L3MBTL4: variants seen among roughly 807,000 people sequenced by gnomAD.
L3MBTL4 encodes the protein L3MBTL histone methyl-lysine binding protein 4, also known as lethal(3)malignant brain tumor-like protein 4.
A neutral mutation model predicts 84.5 loss-of-function variants in L3MBTL4; 70 were observed. The ratio of observed to expected loss-of-function variants is 0.83; its 90% confidence interval spans 0.68 to 1.01. The LOEUF (loss-of-function observed/expected upper bound fraction) is 1.01, where lower values mean the gene tolerates loss of function less well. L3MBTL4 is among the 50% of genes least tolerant of loss of function. The pLI, the probability that L3MBTL4 is intolerant of heterozygous loss-of-function variation, is 0.00. For synonymous variants in L3MBTL4, 274 were observed against 259.8 expected (o/e 1.05, Z -0.52); for missense variants, 715 against 754.8 (o/e 0.95, Z 0.62).
intron 4 of L3MBTL4, among the ~76,000 whole-genome samples, chr18:6,269,862 C>G (rs2048792098): frequency 6.6e-6 from 1 of 152,170 alleles, no homozygotes; most frequent in South Asian, 2.1e-4. Context: ...TTCTAGGAAA[C>G]TGCACAGTAC....
At chr18:5,969,984 C>G (rs1404500783) in intron 16 of L3MBTL4, among the ~76,000 whole-genome samples, 2 of 152,348 alleles carry the variant, frequency 1.3e-5, no homozygotes, top group Admixed American at 1.3e-4. Context: ...AGAATAATTT[C>G]TTCCTGGAAA....
At chr18:5,975,585 G>A (rs866583029) in intron 16 of L3MBTL4, among the ~76,000 whole-genome samples, 2 of 152,220 alleles carry the variant, frequency 1.3e-5, no homozygotes, top group Admixed American at 6.5e-5. Flanking sequence ...CATGCCCTGC[G>A]TACTGAACGT....
chr18:5,995,989 G>T (rs1256311410), intron 16 of L3MBTL4, among the ~76,000 whole-genome samples: 1 of 152,172 alleles, frequency 6.6e-6, no homozygotes, highest in East Asian at 1.9e-4. Flanking sequence ...CCAGCTGGAG[G>T]CGTGTGTGGC....
intron 1 of L3MBTL4, among the ~76,000 whole-genome samples, chr18:6,372,774 T>C (rs1480291603): frequency 6.6e-6 from 1 of 152,208 alleles, no homozygotes; most frequent in African/African-American, 2.4e-5. Context: ...ATTGCTTCAG[T>C]GTTTTCTTTG....
At chr18:6,409,083 G>T (rs886554412) in intron 1 of L3MBTL4, among the ~76,000 whole-genome samples, 9 of 152,122 alleles carry the variant, frequency 5.9e-5, no homozygotes, top group African/African-American at 2.2e-4. Flanking sequence ...CATCCAAATT[G>T]TTGGCCCTGG....
chr18:5,991,986 GCATCCATCCATCCATCCATCCATC>G (rs35529758), intron 16 of L3MBTL4, among the ~76,000 whole-genome samples: 27 of 148,976 alleles, frequency 1.8e-4, no homozygotes, highest in Non-Finnish European at 3.0e-5. Context: ...TCCATCCAGT[GCATCCATCCATCCATCCATCCATC>G]CATCCATCCA....
At chr18:6,154,932 C>T (rs370050724) in intron 13 of L3MBTL4, among the ~76,000 whole-genome samples, 4 of 152,052 alleles carry the variant, frequency 2.6e-5, no homozygotes, top group East Asian at 3.9e-4. Flanking sequence ...AAAAGAATAA[C>T]GATGACTTCA....
intron 12 of L3MBTL4, among the ~76,000 whole-genome samples, chr18:6,199,469 C>A (rs79250789): frequency 0.035 from 5,304 of 152,314 alleles, 296 homozygotes; most frequent in African/African-American, 0.12. Context: ...TCCGTCACTG[C>A]AGGAAGTTCT....
rs1377233280 is a variant in L3MBTL4 at position 5,955,873 on chromosome 18, T to A, written c.*347A>T. 1 of 189,750 alleles carries A rather than the reference T, an allele frequency of 5.3e-6. No individual in the cohort carries two copies. Among genetic ancestry groups the A allele is most frequent in the Non-Finnish European group, 1.1e-5 (1 of 92,720 alleles). The allele number at this position is 189,750 out of a possible 1,614,324, so 11.8% of individuals were successfully genotyped here. ...TCTAATATTTCACCACTTGAGAGTG[T>A]TATGCTTGTAAGATGGAAAATGGTT... On this transcript the variant is annotated 3_prime_UTR_variant, in exon 19 of 19. Coordinates refer to ENST00000317931, the MANE Select transcript of L3MBTL4 (RefSeq NM_001330559.2).
intron 1 of L3MBTL4, among the ~76,000 whole-genome samples, chr18:6,350,927 C>T (rs900608506): frequency 2.0e-5 from 3 of 152,226 alleles, no homozygotes; most frequent in Non-Finnish European, 2.9e-5. Context: ...CACAGTGGCT[C>T]ATGCCTGAAA....
intron 14 of L3MBTL4, among the ~76,000 whole-genome samples, chr18:6,131,254 A>G (rs898564631): frequency 3.3e-5 from 5 of 152,156 alleles, no homozygotes; most frequent in Non-Finnish European, 5.9e-5. Flanking sequence ...ATTTTCTAGA[A>G]AAGCAGCTGA....
chr18:6,144,561 C>A (rs2042567438), intron 13 of L3MBTL4, among the ~76,000 whole-genome samples: 2 of 152,178 alleles, frequency 1.3e-5, no homozygotes, highest in African/African-American at 4.8e-5. Context: ...TCATGGGATT[C>A]CCCATTCACA....
At chr18:6,001,647 T>C (rs189841391) in intron 16 of L3MBTL4, among the ~76,000 whole-genome samples, 190 of 151,836 alleles carry the variant, frequency 1.3e-3, no homozygotes, top group Admixed American at 6.6e-3. Context: ...GAAAAATAAC[T>C]AGAATGAAAA....
At chr18:6,025,906 G>T (rs1250285023) in intron 16 of L3MBTL4, among the ~76,000 whole-genome samples, 1 of 152,170 alleles carries the variant, frequency 6.6e-6, no homozygotes, top group Non-Finnish European at 1.5e-5. Flanking sequence ...AAAGGCCTTG[G>T]GCCAGTACCT....
intron 14 of L3MBTL4, among the ~76,000 whole-genome samples, chr18:6,116,035 A>C (rs73380075): frequency 9.8e-5 from 15 of 152,330 alleles, no homozygotes; most frequent in African/African-American, 3.4e-4. Context: ...GGGACAAGGC[A>C]GACTAAGGAG....
chr18:6,297,016 T>C (rs1336009139), intron 4 of L3MBTL4, among the ~76,000 whole-genome samples: 1 of 152,150 alleles, frequency 6.6e-6, no homozygotes, highest in Admixed American at 6.5e-5. Context: ...AATGTCTAAG[T>C]CAATCTTCAA....
At chr18:6,157,297 C>A (rs2043144246) in intron 13 of L3MBTL4, among the ~76,000 whole-genome samples, 1 of 152,202 alleles carries the variant, frequency 6.6e-6, no homozygotes, top group East Asian at 1.9e-4. Context: ...TGAAAATGTG[C>A]TATTACCTGG....
chr18:6,126,218 T>C (rs1307755171), intron 14 of L3MBTL4, among the ~76,000 whole-genome samples: 1 of 152,238 alleles, frequency 6.6e-6, no homozygotes, highest in Non-Finnish European at 1.5e-5. Context: ...TATTTTTAAA[T>C]GCTTCTTTAT....
At chr18:6,085,398 A>C (rs1473736105) in intron 15 of L3MBTL4, among the ~76,000 whole-genome samples, 1 of 152,234 alleles carries the variant, frequency 6.6e-6, no homozygotes, top group African/African-American at 2.4e-5. Flanking sequence ...ACAAAATGTT[A>C]ATATAAATTA....
Sources: gnomAD v4.1 joint callset for allele counts (sites outside exome capture counted in the v4.1 genomes callset) on GRCh38, gnomAD v4.1.1 for gene constraint, MANE v1.5 for transcripts, NCBI Gene and HGNC (gene_info 2026-07-23, HGNC 2026-07-21) for gene names.